Variants in KMT2A observed in about 807,000 individuals in gnomAD.
KMT2A encodes histone-lysine N-methyltransferase 2A.
A neutral mutation model predicts 345.3 loss-of-function variants in KMT2A; 16 were observed. The ratio of observed to expected loss-of-function variants is 0.05; its 90% confidence interval spans 0.03 to 0.07. The LOEUF (loss-of-function observed/expected upper bound fraction) is 0.07. Among genes scored for constraint, KMT2A ranks in the 10% least tolerant of loss-of-function variants. The pLI is 1.00. For synonymous variants in KMT2A, 1,599 were observed against 1,778.6 expected (o/e 0.90, Z 2.54); for missense variants, 3,272 against 4,841.6 (o/e 0.68, Z 9.62).
rs1010067012 is a variant in KMT2A, at chr11:118,474,430, G to A, written c.3156+115G>A. ...AGTTATGAGAACCAAGAAAAGTATG[G>A]TGGAGGCAGTGGTATTTGCAGTAGT... On this transcript the variant is annotated intron_variant, in intron 3 of 35. Coordinates refer to ENST00000534358, the MANE Select transcript of KMT2A (RefSeq NM_001197104.2). 16 of 1,290,184 alleles carry A rather than the reference G, an allele frequency of 1.2e-5. No homozygotes were observed. In the Admixed American group the frequency reaches 1.7e-4, roughly 13 times the overall value. The allele number at this position is 1,290,184 out of a possible 1,614,324, so 79.9% of individuals were successfully genotyped here.
chr11:118,506,060 C>A lies in KMT2A; in HGVS notation c.10168C>A (p.Gln3390Lys). 1 of 1,614,164 alleles carries A rather than the reference C, an allele frequency of 6.2e-7. No individual in the cohort carries two copies. Among genetic ancestry groups the A allele is most frequent in the Non-Finnish European group, 8.5e-7 (1 of 1,180,028 alleles). Residue 3390 changes from glutamine (Q) to lysine (K), a missense_variant, in exon 27 of 36, where the codon CAG (glutamine) becomes AAG (lysine). Physicochemically the swap from Gln to Lys is moderately conservative, Grantham distance 53. This residue lies in a region of KMT2A where 748 missense variants were observed against 922.2 expected (regional missense o/e 0.81). Coordinates refer to ENST00000534358, the MANE Select transcript of KMT2A (RefSeq NM_001197104.2). ...AAGCAATCTTTTAATCAAAGCTAGC[C>A]AGCAGAGCCTGGGGATTCAGGACCA... ...SISNLLIKASQQSLGIQDQPV... is the reference protein window; with the variant it reads ...SISNLLIKASKQSLGIQDQPV...
At chr11:118,460,357 C>T (rs1555032274) in intron 1 of KMT2A, among the ~76,000 whole-genome samples, 1 of 149,320 alleles carries the variant, frequency 6.7e-6, no homozygotes, top group Non-Finnish European at 1.5e-5. Context: ...GGCACGATCT[C>T]AGCCCACTGC....
chr11:118,457,959 G>T (rs557944528), intron 1 of KMT2A, among the ~76,000 whole-genome samples: 3 of 152,008 alleles, frequency 2.0e-5, no homozygotes, highest in Non-Finnish European at 4.4e-5. Context: ...TTTTCATACC[G>T]TAGCCTAGGA....
chr11:118,437,679 C>G (rs527468385), intron 1 of KMT2A, among the ~76,000 whole-genome samples: 3 of 151,278 alleles, frequency 2.0e-5, no homozygotes, highest in Admixed American at 1.3e-4. Context: ...GTCTCTTCCC[C>G]CCCCCGCCCC....
At chr11:118,506,969 C>G (rs1234600915) in intron 27 of KMT2A, among the ~76,000 whole-genome samples, 1 of 152,162 alleles carries the variant, frequency 6.6e-6, no homozygotes, top group Non-Finnish European at 1.5e-5. Flanking sequence ...GCAAAGCTCC[C>G]TCTTGTAGAT....
At chr11:118,499,674 G>A (rs1383781187) in intron 23 of KMT2A, among the ~76,000 whole-genome samples, 161 bp from the exon 24 acceptor site, 4 of 152,158 alleles carry the variant, frequency 2.6e-5, no homozygotes, top group African/African-American at 9.7e-5. Context: ...CAGCTACTTG[G>A]GAGGCTGAGG....
At position 118,484,522 on chromosome 11, in the gene KMT2A, T is replaced by G. The variant is rs1460147020; in HGVS notation, c.4218+208T>G. On this transcript the variant is annotated intron_variant, in intron 9 of 35. Coordinates refer to ENST00000534358, the MANE Select transcript of KMT2A (RefSeq NM_001197104.2). The surrounding 1 kb of genome is among the most constrained non-coding windows in gnomAD (Gnocchi z 4.1). The stretch of plus-strand genomic sequence containing the variant: ...TGAACTGACTGCAGAACATACATAA[T>G]GAAACATTCCTATCCATCCTGAGCA... Among the ~76,000 whole-genome samples the G allele has an allele frequency of 3.3e-5, 5 of 152,148 alleles. No individual in the cohort carries two copies. The highest frequency in any genetic ancestry group is 7.3e-5 in the Non-Finnish European group (5 of 68,028).
intron 31 of KMT2A, among the ~76,000 whole-genome samples, chr11:118,516,485 C>G (rs188083816): frequency 6.6e-6 from 1 of 152,276 alleles, no homozygotes; most frequent in East Asian, 1.9e-4. Context: ...ATTAAATTAA[C>G]TATGTTTTCT....
At position 118,473,231 on chromosome 11, in the gene KMT2A, A is replaced by G; in HGVS notation, c.2072A>G (p.His691Arg). Residue 691 changes from histidine (H) to arginine (R), a missense_variant, in exon 3 of 36, where the codon CAC becomes CGC. By Grantham distance (29) the His-to-Arg change is conservative. Coordinates refer to ENST00000534358, the MANE Select transcript of KMT2A (RefSeq NM_001197104.2). This position sits in a 1 kb window ranked among gnomAD's most constrained non-coding sequence, Gnocchi z 5.2. ...PLHSGTRFDM[H>R]KRSPLLRAPR... is the part of the protein sequence containing the mutation. ...CATTCTGGAACAAGGTTTGATATGCACAAAAGGAGCCCTCTTCTGAGAGCT... is the reference window on the plus strand; with the variant it reads ...CATTCTGGAACAAGGTTTGATATGCGCAAAAGGAGCCCTCTTCTGAGAGCT... 3 of 1,611,894 alleles carry G rather than the reference A, an allele frequency of 1.9e-6. No homozygotes were observed. Among genetic ancestry groups the G allele is most frequent in the Non-Finnish European group, 2.5e-6 (3 of 1,178,930 alleles).
rs529379599 is a variant in KMT2A at position 118,498,270 on chromosome 11, T to C, written c.5803-100T>C. ...TCAATTTATCAATAGATAAAATGAA[T>C]TGTAGGAACTGTAGAATGGGATGAG... On this transcript the variant is annotated intron_variant, in intron 21 of 35. Transcript: ENST00000534358. This position sits in a 1 kb window ranked among gnomAD's most constrained non-coding sequence, Gnocchi z 4.4. The C allele has an allele frequency of 1.5e-5, 19 of 1,226,736 alleles. No individual in the cohort carries two copies. The African/African-American group carries it at 1.8e-4, about 12-fold the overall frequency. The allele number at this position is 1,226,736 out of a possible 1,614,324, so 76.0% of individuals were successfully genotyped here. A position where few individuals can be genotyped will look rare whatever the true frequency, so the allele number is the denominator to read the frequency against.
At chr11:118,511,850 A>G (rs1033256916) in intron 30 of KMT2A, 101 bp from the exon 31 acceptor site, 54 of 905,170 alleles carry the variant, frequency 6.0e-5, no homozygotes, top group Admixed American at 1.9e-4. Context: ...GCAAGTGTTC[A>G]CACTGTAGGG....
rs2134311335 is a variant in KMT2A, at chr11:118,484,233, C to A, written c.4137C>A (p.Ile1379=). 3 of 1,614,086 alleles carry A rather than the reference C, an allele frequency of 1.9e-6. No homozygotes were observed. Among genetic ancestry groups the A allele is most frequent in the Non-Finnish European group, 2.5e-6 (3 of 1,179,974 alleles). The part of the protein sequence containing the change: ...NKQENAGTLN[I]LSTLSNGNSS... ...AGGAGAATGCAGGCACTTTGAACAT[C>A]CTCAGCACTCTCTCCAATGGCAATA... Residue 1379 remains isoleucine, a synonymous_variant, in exon 9 of 36, where the codon ATC becomes ATA. Coordinates refer to ENST00000534358, the MANE Select transcript of KMT2A (RefSeq NM_001197104.2). This position sits in a 1 kb window ranked among gnomAD's most constrained non-coding sequence, Gnocchi z 4.1.
chr11:118,486,226 G>A (rs570459440), intron 10 of KMT2A, among the ~76,000 whole-genome samples: 1 of 152,294 alleles, frequency 6.6e-6, no homozygotes, highest in South Asian at 2.1e-4. Flanking sequence ...AGTGAAAAGA[G>A]CAGGTTACAA....
In KMT2A at chr11:118,509,997, G is replaced by A. The variant is rs782306856; in HGVS notation, c.10950G>A (p.Met3650Ile). The stretch of plus-strand genomic sequence containing the variant: ...AAAGTAATTTCAGCTCCCCACTGAT[G>A]CTTTGGCTTCAGCAAGAACAAAAGC... ...EEESNFSSPL[M>I]LWLQQEQKRK... The change falls in exon 30 of 36, where the codon ATG becomes ATA. Residue 3650 changes from methionine (M) to isoleucine (I), a missense_variant. This residue lies in a region of KMT2A where 748 missense variants were observed against 922.2 expected (regional missense o/e 0.81). Transcript: ENST00000534358. 1 of 1,613,674 alleles carries A rather than the reference G, an allele frequency of 6.2e-7. No homozygotes were observed. Among genetic ancestry groups the A allele is most frequent in the South Asian group, 1.1e-5 (1 of 91,040 alleles).
In KMT2A at chr11:118,506,277, T is replaced by G. The variant is rs1555048342; in HGVS notation, c.10385T>G (p.Leu3462Arg). The G allele has an allele frequency of 6.2e-7, 1 of 1,614,182 alleles. No homozygotes were observed. Among genetic ancestry groups the G allele is most frequent in the Non-Finnish European group, 8.5e-7 (1 of 1,180,006 alleles). ...CAGCTTCAGCATGTGAACCAGCTCC[T>G]TGCCAGCAAAACTGGGATTCATTCT... ...HYQLQHVNQL[L>R]ASKTGIHSSQ... The change falls in exon 27 of 36, where the codon CTT becomes CGT. Residue 3462 changes from leucine to arginine, a missense_variant. Coordinates refer to ENST00000534358, the MANE Select transcript of KMT2A (RefSeq NM_001197104.2).
At chr11:118,456,865 A>T (rs1555031046) in intron 1 of KMT2A, among the ~76,000 whole-genome samples, 1 of 152,180 alleles carries the variant, frequency 6.6e-6, no homozygotes, top group Non-Finnish European at 1.5e-5. Flanking sequence ...CCACTCCTTT[A>T]AACCTGTCTC....
intron 1 of KMT2A, among the ~76,000 whole-genome samples, chr11:118,455,674 T>A (rs186718411): frequency 3.0e-3 from 453 of 151,246 alleles, no homozygotes; most frequent in East Asian, 0.015. Context: ...ATTATTATTT[T>A]TTTTTATTTT....
At position 118,481,770 on chromosome 11, in the gene KMT2A, G is replaced by C. The variant is rs1555039272; in HGVS notation, c.3690G>C (p.Glu1230Asp). Residue 1230 changes from glutamate to aspartate, a missense_variant, in exon 7 of 36, where the codon GAG becomes GAC. Glu to Asp is a conservative substitution (Grantham distance 45). Around this residue, in one of 27 missense-constraint regions of KMT2A, gnomAD observed 168 missense variants for 216.0 expected, o/e 0.78. Coordinates refer to ENST00000534358, the MANE Select transcript of KMT2A (RefSeq NM_001197104.2). ...SKTSEKKDSK[E>D]SSVVKNVVDS... ...CCAGTGAAAAGAAAGACAGCAAAGA[G>C]AGCAGTGTTGTGAAGAACGTGGTGG... 3 of 1,614,080 alleles carry C rather than the reference G, an allele frequency of 1.9e-6. No individual in the cohort carries two copies. Among genetic ancestry groups the C allele is most frequent in the Non-Finnish European group, 1.7e-6 (2 of 1,180,040 alleles).
Position 118,504,493 on chromosome 11 carries a change from T to C in KMT2A, c.8601T>C (p.Gly2867=). The C allele has an allele frequency of 6.2e-7, 1 of 1,614,182 alleles. No individual in the cohort carries two copies. Among genetic ancestry groups the C allele is most frequent in the Admixed American group, 1.7e-5 (1 of 60,020 alleles). ...LKNTPSMQAL[G]ESPESSSSEL... ...ATACTCCATCCATGCAGGCTTTGGG[T>C]GAGAGCCCAGAGTCATCTTCATCAG... Residue 2867 remains glycine (G), a synonymous_variant, in exon 27 of 36, where the codon GGT becomes GGC. Coordinates refer to ENST00000534358, the MANE Select transcript of KMT2A (RefSeq NM_001197104.2). The surrounding 1 kb of genome is among the most constrained non-coding windows in gnomAD (Gnocchi z 6.4).
Sources: allele counts gnomAD v4.1 joint callset (sites outside exome capture counted in the v4.1 genomes callset), GRCh38; gene constraint gnomAD v4.1.1; regional missense constraint gnomAD v4.1.1; non-coding constraint Gnocchi (gnomAD v3.1); transcripts MANE v1.5; gene names NCBI Gene and HGNC (gene_info 2026-07-23, HGNC 2026-07-21).